The following C16orf78 variants were observed in gnomAD, a reference collection of about 807,000 sequenced individuals.
The protein encoded by C16orf78 is chromosome 16 open reading frame 78, also known as uncharacterized protein C16orf78.
Under a neutral mutation model 27.3 loss-of-function variants are expected in C16orf78, and 19 were observed. That is an observed-to-expected ratio of 0.70 (90% CI 0.49 to 1.02). The LOEUF (loss-of-function observed/expected upper bound fraction) is 1.02, where lower values mean the gene tolerates loss of function less well. Ranked by LOEUF, C16orf78 falls within the 50% of genes least tolerant of loss-of-function variation. C16orf78 has a pLI of 0.00. For missense variants in C16orf78, 339 were observed against 337.0 expected (o/e 1.01, Z -0.05); for synonymous variants, 130 against 116.1 (o/e 1.12, Z -0.77).
intron 3 of C16orf78, among the ~76,000 whole-genome samples, chr16:49,392,298 T>C (rs1965422419): frequency 6.6e-6 from 1 of 152,254 alleles, no homozygotes; most frequent in African/African-American, 2.4e-5. Flanking sequence ...GAATGACTTA[T>C]ATTTGTAGAT....
chr16:49,384,717 A>G (rs974363762), intron 3 of C16orf78, among the ~76,000 whole-genome samples: 1 of 152,228 alleles, frequency 6.6e-6, no homozygotes, highest in Non-Finnish European at 1.5e-5. Flanking sequence ...TAGGTTGAAC[A>G]CAAAAAGGTC....
At position 49,396,691 on chromosome 16, in the gene C16orf78, A is replaced by AC; in HGVS notation, c.650+18dup. The AC allele has an allele frequency of 6.2e-7, 1 of 1,602,448 alleles. No individual in the cohort carries two copies. The highest frequency in any genetic ancestry group is 8.5e-7 in the Non-Finnish European group (1 of 1,179,328). ...TGCTGAGCTGCCGGTGAGAGCTGCC[A>AC]CCCCCTGGGCAGATGGGGTGGGGTC... On this transcript the variant is annotated intron_variant, in intron 4 of 4. Transcript: ENST00000299191.
intron 3 of C16orf78, 126 bp downstream of exon 3, chr16:49,378,719 C>A: frequency 7.1e-7 from 1 of 1,417,786 alleles, no homozygotes; most frequent in Non-Finnish European, 9.5e-7. Flanking sequence ...ATTGTGCACA[C>A]AGGAGTCAGA....
At chr16:49,383,257 C>A (rs1965309288) in intron 3 of C16orf78, among the ~76,000 whole-genome samples, 1 of 152,200 alleles carries the variant, frequency 6.6e-6, no homozygotes, top group African/African-American at 2.4e-5. Flanking sequence ...GTAAGGAGAG[C>A]CTCTCATGTA....
intron 3 of C16orf78, among the ~76,000 whole-genome samples, chr16:49,390,893 C>T (rs1965404822): frequency 6.6e-6 from 1 of 152,170 alleles, no homozygotes; most frequent in Non-Finnish European, 1.5e-5. Context: ...AAGCATCTTC[C>T]AAATGAAGGT....
intron 3 of C16orf78, among the ~76,000 whole-genome samples, chr16:49,391,891 C>G (rs1054077322): frequency 5.9e-5 from 9 of 152,140 alleles, no homozygotes; most frequent in African/African-American, 2.2e-4. Context: ...AGCATAGCGC[C>G]AATTTCCTCC....
intron 3 of C16orf78, among the ~76,000 whole-genome samples, chr16:49,393,738 A>G (rs1965440968): frequency 6.6e-6 from 1 of 152,116 alleles, no homozygotes. Flanking sequence ...TATATTAAAT[A>G]CTGGCTGGGA....
At chr16:49,378,684 C>A in intron 3 of C16orf78, 91 bp downstream of exon 3, 2 of 1,553,760 alleles carry the variant, frequency 1.3e-6, no homozygotes, top group African/African-American at 1.4e-5. Flanking sequence ...ATTCTTAGAG[C>A]AGTAGCGTCC....
At chr16:49,383,846 G>T (rs896147805) in intron 3 of C16orf78, among the ~76,000 whole-genome samples, 2 of 152,110 alleles carry the variant, frequency 1.3e-5, no homozygotes, top group South Asian at 4.1e-4. Flanking sequence ...CAAATACGTT[G>T]AGTTTCTTCA....
chr16:49,397,825 A>T (rs1286253630), intron 4 of C16orf78, among the ~76,000 whole-genome samples: 1 of 152,106 alleles, frequency 6.6e-6, no homozygotes. Flanking sequence ...GAGTGCAGTG[A>T]TGTGATCTCG....
chr16:49,375,791 TGATTTG>T (rs1965209348), intron 1 of C16orf78, among the ~76,000 whole-genome samples: 1 of 152,316 alleles, frequency 6.6e-6, no homozygotes, highest in East Asian at 1.9e-4. Context: ...CCCACTGCCT[TGATTTG>T]GGGGCGAAGG....
At position 49,399,290 on chromosome 16, in the gene C16orf78, C is replaced by G; in HGVS notation, c.*12C>G. 6.2e-7 allele frequency: 1 copy of G among 1,613,518 alleles called. No individual in the cohort carries two copies. Among genetic ancestry groups the G allele is most frequent in the Non-Finnish European group, 8.5e-7 (1 of 1,179,726 alleles). ...GCATGGCCCTCTAAATAGCTCCTCT[C>G]GCCACCACCTTCAGGCTCCTTCTGT... On this transcript the variant is annotated 3_prime_UTR_variant, in exon 5 of 5. Transcript: ENST00000299191.
At chr16:49,378,378 A>G in intron 2 of C16orf78, 92 bp from the exon 3 acceptor site, 1 of 1,492,556 alleles carries the variant, frequency 6.7e-7, no homozygotes, top group South Asian at 1.3e-5. Context: ...CCTTTTGGCA[A>G]ACCCTTGAAA....
intron 3 of C16orf78, among the ~76,000 whole-genome samples, chr16:49,383,434 C>A (rs544946290): frequency 1.3e-5 from 2 of 152,318 alleles, no homozygotes; most frequent in East Asian, 3.9e-4. Context: ...TTACATGCAC[C>A]CTCCCAGGAA....
chr16:49,396,352 C>T, intron 3 of C16orf78, 71 bp from the exon 4 acceptor site: 2 of 1,543,466 alleles, frequency 1.3e-6, no homozygotes, highest in Non-Finnish European at 8.9e-7. Context: ...CAGCCTTCAT[C>T]CCCTTCCTGC....
chr16:49,374,889 G>A (rs1965194926), intron 1 of C16orf78, among the ~76,000 whole-genome samples: 1 of 152,144 alleles, frequency 6.6e-6, no homozygotes, highest in Admixed American at 6.5e-5. Context: ...GGAAAGTGGT[G>A]TCCTCTGCAG....
chr16:49,377,053 G>C (rs1278060827), intron 1 of C16orf78, among the ~76,000 whole-genome samples: 1 of 152,166 alleles, frequency 6.6e-6, no homozygotes, highest in Non-Finnish European at 1.5e-5. Context: ...GCTTCTGCTG[G>C]GCTCCTGGAC....
At chr16:49,378,762 TG>T (rs1043471332) in intron 3 of C16orf78, among the ~76,000 whole-genome samples, 169 bp downstream of exon 3, 22 of 152,262 alleles carry the variant, frequency 1.4e-4, no homozygotes, top group African/African-American at 5.1e-4. Context: ...GGACCACTCC[TG>T]GGGTCGCTCT....
intron 3 of C16orf78, among the ~76,000 whole-genome samples, chr16:49,382,790 A>ATCTCTTTCCTCT (rs1292501628): frequency 6.6e-6 from 1 of 151,942 alleles, no homozygotes; most frequent in Non-Finnish European, 1.5e-5. Flanking sequence ...CCCTCTTCCT[A>ATCTCTTTCCTCT]TCTCTTTCCT....
Sources: gnomAD v4.1 joint callset for allele counts (sites outside exome capture counted in the v4.1 genomes callset) on GRCh38, gnomAD v4.1.1 for gene constraint, MANE v1.5 for transcripts, NCBI Gene and HGNC (gene_info 2026-07-23, HGNC 2026-07-21) for gene names.